The following CNOT4 variants were observed in gnomAD, a reference collection of about 807,000 sequenced individuals.
The protein encoded by CNOT4 is CCR4-associated factor 4.
A neutral mutation model predicts 73.8 loss-of-function variants in CNOT4; 8 were observed. That is an observed-to-expected ratio of 0.11 (90% CI 0.06 to 0.20). CNOT4 has a LOEUF of 0.20. CNOT4 is among the 10% of genes least tolerant of loss of function. CNOT4 has a pLI of 1.00. For missense variants in CNOT4, 564 were observed against 883.4 expected (o/e 0.64, Z 4.58); for synonymous variants, 293 against 321.1 (o/e 0.91, Z 0.94).
chr7:135,481,530 A>G (rs189781020), intron 1 of CNOT4, among the ~76,000 whole-genome samples: 20 of 152,354 alleles, frequency 1.3e-4, no homozygotes, highest in African/African-American at 4.8e-4. Context: ...TATGAAAAAC[A>G]GTATGGAGAA....
At chr7:135,402,263 C>A (rs1020944531) in intron 7 of CNOT4, among the ~76,000 whole-genome samples, 2 of 151,972 alleles carry the variant, frequency 1.3e-5, no homozygotes, top group East Asian at 3.9e-4. Flanking sequence ...ATGTATGCCA[C>A]CATGCCTGGC....
At chr7:135,491,829 A>C (rs1461690382) in intron 1 of CNOT4, among the ~76,000 whole-genome samples, 9 of 152,168 alleles carry the variant, frequency 5.9e-5, no homozygotes, top group African/African-American at 2.2e-4. Flanking sequence ...TGTCCAGAGT[A>C]AATCTATAGG....
chr7:135,376,917 A>AC (rs1795552652), intron 10 of CNOT4, among the ~76,000 whole-genome samples: 1 of 152,208 alleles, frequency 6.6e-6, no homozygotes, highest in African/African-American at 2.4e-5. Context: ...AAGAGTATTT[A>AC]CTTTCATTTC....
At chr7:135,393,079 C>G (rs1356399181) in intron 10 of CNOT4, among the ~76,000 whole-genome samples, 1 of 152,078 alleles carries the variant, frequency 6.6e-6, no homozygotes, top group Admixed American at 6.6e-5. Flanking sequence ...AGGAGAGGAA[C>G]AAACTTTTTT....
intron 1 of CNOT4, among the ~76,000 whole-genome samples, chr7:135,461,072 T>C (rs1240152270): frequency 6.6e-6 from 1 of 152,192 alleles, no homozygotes; most frequent in Admixed American, 6.5e-5. Context: ...AGGGCATAGT[T>C]TGCCAACACC....
chr7:135,455,020 G>A (rs1195229787), intron 1 of CNOT4, among the ~76,000 whole-genome samples: 1 of 152,166 alleles, frequency 6.6e-6, no homozygotes, highest in African/African-American at 2.4e-5. Flanking sequence ...AGCACTTTGG[G>A]AGGCTGAGGC....
chr7:135,484,383 C>A (rs1303474147), intron 1 of CNOT4, among the ~76,000 whole-genome samples: 1 of 152,040 alleles, frequency 6.6e-6, no homozygotes, highest in East Asian at 1.9e-4. Context: ...TTGTAGATGA[C>A]ATGACTATCT....
At chr7:135,479,064 G>A (rs779152566) in intron 1 of CNOT4, among the ~76,000 whole-genome samples, 1 of 152,016 alleles carries the variant, frequency 6.6e-6, no homozygotes. Flanking sequence ...TATATTTGTA[G>A]AACAAATTCT....
intron 1 of CNOT4, among the ~76,000 whole-genome samples, chr7:135,450,123 A>C (rs1340197168): frequency 2.0e-5 from 3 of 152,168 alleles, no homozygotes; most frequent in Non-Finnish European, 2.9e-5. Context: ...AGGCAGGAGA[A>C]TCGCTTAAGC....
intron 1 of CNOT4, among the ~76,000 whole-genome samples, chr7:135,453,946 T>A (rs1430700160): frequency 7.0e-6 from 1 of 143,110 alleles, no homozygotes; most frequent in Non-Finnish European, 1.5e-5. Context: ...AAGACCAGCC[T>A]GGGCAATATG....
Position 135,394,139 on chromosome 7 carries a change from A to C in CNOT4, c.1406T>G (p.Phe469Cys). 6.2e-7 allele frequency: 1 copy of C among 1,614,162 alleles called. No homozygotes were observed. Among genetic ancestry groups the C allele is most frequent in the Non-Finnish European group, 8.5e-7 (1 of 1,180,028 alleles). The stretch of plus-strand genomic sequence containing the variant: ...AGGGAACCTCTGGGGCAAGACTGAA[A>C]AGGTACTATTGAGAGAATTGGCATT... ...ATNANSLNST[F>C]SVLPQRFPQF... The change falls in exon 10 of 12, where the codon TTT (phenylalanine) becomes TGT (cysteine). Residue 469 changes from phenylalanine to cysteine, a missense_variant. Physicochemically the swap from Phe to Cys is radical, Grantham distance 205 (BLOSUM62 -2). Around this residue, in one of 10 missense-constraint regions of CNOT4, gnomAD observed 153 missense variants for 158.7 expected, o/e 0.96. Coordinates refer to ENST00000541284, the MANE Select transcript of CNOT4 (RefSeq NM_001190850.2).
chr7:135,499,674 C>T (rs1302063262), intron 1 of CNOT4, among the ~76,000 whole-genome samples: 5 of 152,042 alleles, frequency 3.3e-5, no homozygotes, highest in African/African-American at 7.2e-5. Context: ...GGGGAAAACA[C>T]TGGATTTGGC....
At chr7:135,425,563 C>T (rs928129069) in intron 2 of CNOT4, among the ~76,000 whole-genome samples, 2 of 152,110 alleles carry the variant, frequency 1.3e-5, no homozygotes, top group African/African-American at 4.8e-5. Flanking sequence ...GTTGTTGGAA[C>T]ATAACTGCTA....
intron 10 of CNOT4, among the ~76,000 whole-genome samples, chr7:135,379,775 A>T (rs1486370978): frequency 3.9e-5 from 6 of 152,202 alleles, no homozygotes; most frequent in Non-Finnish European, 8.8e-5. Flanking sequence ...GATACTAAAC[A>T]TATAGATGTA....
chr7:135,447,130 T>C lies in CNOT4; in HGVS notation c.-92-8707A>G, dbSNP rs80028941. Among the ~76,000 whole-genome samples the C allele has an allele frequency of 2.7e-3, 385 of 145,234 alleles. 65 individuals carry two copies. The East Asian group carries it at 0.066, about 25-fold the overall frequency. ...AAAGAATAAATTGTTATATGTCTGTTATAAATGACAACCTTCAAAAATAAG... is the reference window on the plus strand; with the variant it reads ...AAAGAATAAATTGTTATATGTCTGTCATAAATGACAACCTTCAAAAATAAG... On this transcript the variant is annotated intron_variant, in intron 1 of 11. Transcript: ENST00000541284.
chr7:135,505,550 T>C (rs1335617066), intron 1 of CNOT4, among the ~76,000 whole-genome samples: 2 of 152,216 alleles, frequency 1.3e-5, no homozygotes, highest in Non-Finnish European at 2.9e-5. Flanking sequence ...AGACTCCGTC[T>C]TGGGGAGTAG....
intron 1 of CNOT4, among the ~76,000 whole-genome samples, chr7:135,499,977 T>C (rs1307212521): frequency 6.6e-6 from 1 of 152,186 alleles, no homozygotes; most frequent in Non-Finnish European, 1.5e-5. Flanking sequence ...AAAATATTTC[T>C]GTCATATTAC....
intron 2 of CNOT4, among the ~76,000 whole-genome samples, chr7:135,433,276 T>G (rs1585635675): frequency 6.6e-6 from 1 of 152,146 alleles, no homozygotes; most frequent in Admixed American, 6.5e-5. Flanking sequence ...CTTCAGTTAT[T>G]TTTGCTATTA....
At chr7:135,472,559 A>ATATG (rs1585699249) in intron 1 of CNOT4, among the ~76,000 whole-genome samples, 1 of 104,230 alleles carries the variant, frequency 9.6e-6, no homozygotes, top group African/African-American at 3.6e-5. Context: ...ATATATATAT[A>ATATG]AAGTGATCCT....
Sources: gnomAD v4.1 joint callset for allele counts (sites outside exome capture counted in the v4.1 genomes callset) on GRCh38, gnomAD v4.1.1 for gene constraint, gnomAD v4.1.1 regional missense constraint, MANE v1.5 for transcripts, NCBI Gene and HGNC (gene_info 2026-07-23, HGNC 2026-07-21) for gene names.